MEIS1: variants seen among roughly 807,000 people sequenced by gnomAD.
MEIS1 encodes Meis homeobox 1, also known as homeobox protein Meis1.
Under a neutral mutation model 50.8 loss-of-function variants are expected in MEIS1, and 5 were observed. The ratio of observed to expected loss-of-function variants is 0.10; its 90% CI spans 0.05 to 0.21. The LOEUF (loss-of-function observed/expected upper bound fraction) is 0.21, where lower values mean the gene tolerates loss of function less well. Among genes scored for constraint, MEIS1 ranks in the 10% least tolerant of loss-of-function variants. The pLI, the probability that MEIS1 is intolerant of heterozygous loss-of-function variation, is 1.00. For missense variants in MEIS1, 318 were observed against 517.3 expected, an observed-to-expected ratio of 0.61 and a Z score of 3.74; for synonymous variants, 176 against 179.3, an observed-to-expected ratio of 0.98 and a Z score of 0.15.
intron 6 of MEIS1, among the ~76,000 whole-genome samples, chr2:66,457,976 G>A (rs1172278391): frequency 6.6e-6 from 1 of 152,156 alleles, no homozygotes. Context: ...GAGAGTAAAT[G>A]TACCTCCCCA....
chr2:66,480,797 A>G (rs1250967479), intron 7 of MEIS1, among the ~76,000 whole-genome samples: 1 of 152,118 alleles, frequency 6.6e-6, no homozygotes, highest in East Asian at 1.9e-4. Context: ...CTACTTGTGC[A>G]TTTCTTTGGA....
intron 7 of MEIS1, among the ~76,000 whole-genome samples, chr2:66,473,015 C>A (rs1041227277): frequency 2.0e-5 from 3 of 152,132 alleles, no homozygotes; most frequent in African/African-American, 7.2e-5. Context: ...ATAAAACCCA[C>A]AGGACTACAA....
intron 9 of MEIS1, among the ~76,000 whole-genome samples, chr2:66,564,901 G>A (rs1675308878): frequency 6.6e-6 from 1 of 151,202 alleles, no homozygotes; most frequent in Non-Finnish European, 1.5e-5. Context: ...TTTTGCCACT[G>A]AAAGTAATGG....
At chr2:66,540,006 G>A (rs1674613243) in intron 8 of MEIS1, among the ~76,000 whole-genome samples, 1 of 152,162 alleles carries the variant, frequency 6.6e-6, no homozygotes, top group African/African-American at 2.4e-5. Context: ...ACAAATGGCA[G>A]TGGGAGTGTA....
At chr2:66,486,894 T>G (rs1032878056) in intron 7 of MEIS1, among the ~76,000 whole-genome samples, 2 of 152,318 alleles carry the variant, frequency 1.3e-5, no homozygotes, top group East Asian at 3.9e-4. Context: ...GATTTGGGTC[T>G]CTGTCTATTA....
At chr2:66,442,232 T>G (rs1672004836) in intron 5 of MEIS1, among the ~76,000 whole-genome samples, 1 of 149,586 alleles carries the variant, frequency 6.7e-6, no homozygotes, top group South Asian at 2.1e-4. Context: ...CCTCTGCACT[T>G]ACACTTAAAT....
chr2:66,493,702 C>G (rs11897068), intron 7 of MEIS1, among the ~76,000 whole-genome samples: 6 of 152,056 alleles, frequency 3.9e-5, no homozygotes, highest in Admixed American at 3.9e-4. Context: ...TCCTAACTGT[C>G]TGACTCCACC....
At chr2:66,524,607 T>G (rs1363393655) in intron 8 of MEIS1, among the ~76,000 whole-genome samples, 3 of 151,986 alleles carry the variant, frequency 2.0e-5, no homozygotes, top group Non-Finnish European at 4.4e-5. Context: ...AAAGGTGATA[T>G]TGTGATAAGT....
At chr2:66,476,726 G>A (rs1211951613) in intron 7 of MEIS1, among the ~76,000 whole-genome samples, 2 of 152,138 alleles carry the variant, frequency 1.3e-5, no homozygotes, top group African/African-American at 2.4e-5. Flanking sequence ...CACGGGGCCT[G>A]AAAGGAGTGC....
In MEIS1 at chr2:66,459,170, G is replaced by A. The variant is rs1672463664; in HGVS notation, c.631-4939G>A. 2.0e-5 allele frequency among the ~76,000 whole-genome samples: 3 copies of A among 152,256 alleles called. No homozygotes were observed. The South Asian group carries it at 6.2e-4, about 32-fold the overall frequency. The stretch of plus-strand genomic sequence containing the variant: ...CTAGGTAAGGTGGTATCTGGGCTGT[G>A]CCTTAAATAGCAAGAAGGAGATAAT... On this transcript the variant is annotated intron_variant, in intron 6 of 12. Coordinates refer to ENST00000272369, the MANE Select transcript of MEIS1 (RefSeq NM_002398.3).
chr2:66,518,794 A>G (rs984544970), intron 8 of MEIS1, among the ~76,000 whole-genome samples: 18 of 152,176 alleles, frequency 1.2e-4, no homozygotes, highest in Admixed American at 2.0e-4. Flanking sequence ...CATGTTTAAG[A>G]TTCCTAATGA....
chr2:66,486,264 A>G (rs762194708), intron 7 of MEIS1, among the ~76,000 whole-genome samples: 1 of 152,122 alleles, frequency 6.6e-6, no homozygotes, highest in Non-Finnish European at 1.5e-5. Context: ...CATCTGGAGT[A>G]AATTTTTGTA....
In MEIS1 at chr2:66,439,905, C is replaced by A; in HGVS notation, c.302C>A (p.Pro101His). 6.2e-7 allele frequency: 1 copy of A among 1,613,832 alleles called. No homozygotes were observed. The highest frequency in any genetic ancestry group is 8.5e-7 in the Non-Finnish European group (1 of 1,179,838). Residue 101 changes from proline to histidine, a missense_variant, in exon 3 of 13, where the codon CCC becomes CAC. By Grantham distance (77) the Pro-to-His change is moderately conservative (BLOSUM62 -2). Around this residue, in one of 6 missense-constraint regions of MEIS1, gnomAD observed 75 missense variants for 153.7 expected, o/e 0.49. Transcript: ENST00000272369. The part of the protein sequence containing the change: ...FEKCELATCT[P>H]REPGVAGGDV... The stretch of plus-strand genomic sequence containing the variant: ...AAATGTGAATTAGCTACTTGTACCC[C>A]CCGCGAGCCGGGGGTGGCGGGCGGG...
At position 66,467,374 on chromosome 2, in the gene MEIS1, G is replaced by T. The variant is rs368911277; in HGVS notation, c.742+3154G>T. 5.9e-5 allele frequency among the ~76,000 whole-genome samples: 9 copies of T among 152,086 alleles called. No homozygotes were observed. The South Asian group carries it at 8.3e-4, about 14-fold the overall frequency. Reference sequence around the variant, plus strand: ...CAGTTTAGGAGGCCGAGGTAGGGGGGGGTCACAAGGTCAGGAGTTCAAGAC... The same window carrying T: ...CAGTTTAGGAGGCCGAGGTAGGGGGTGGTCACAAGGTCAGGAGTTCAAGAC... On this transcript the variant is annotated intron_variant, in intron 7 of 12. Transcript: ENST00000272369.
chr2:66,490,585 G>A (rs1437636080), intron 7 of MEIS1, among the ~76,000 whole-genome samples: 2 of 152,132 alleles, frequency 1.3e-5, no homozygotes, highest in Non-Finnish European at 2.9e-5. Flanking sequence ...GGGTGATAGG[G>A]AGACCTTTCT....
At chr2:66,548,122 C>T in intron 9 of MEIS1, 103 bp downstream of exon 9, 1 of 1,067,546 alleles carries the variant, frequency 9.4e-7, no homozygotes, top group South Asian at 1.4e-5. Flanking sequence ...CCACTGCTTT[C>T]CCTGGTGGCT....
intron 8 of MEIS1, among the ~76,000 whole-genome samples, chr2:66,534,722 T>C (rs1234723305): frequency 6.6e-6 from 1 of 152,070 alleles, no homozygotes; most frequent in Non-Finnish European, 1.5e-5. Context: ...CTTCTTTGTG[T>C]AATTAGCAAC....
chr2:66,532,174 G>T (rs1674408478), intron 8 of MEIS1, among the ~76,000 whole-genome samples: 1 of 152,054 alleles, frequency 6.6e-6, no homozygotes. Flanking sequence ...AATCCAACAA[G>T]AATTAAACTG....
At chr2:66,547,816 T>G in intron 8 of MEIS1, 127 bp from the exon 9 acceptor site, 1 of 785,502 alleles carries the variant, frequency 1.3e-6, no homozygotes, top group South Asian at 1.6e-5. Context: ...GATGTAGTAT[T>G]CCATTAATAA....
Sources: allele counts gnomAD v4.1 joint callset (sites outside exome capture counted in the v4.1 genomes callset), GRCh38; gene constraint gnomAD v4.1.1; regional missense constraint gnomAD v4.1.1; transcripts MANE v1.5; gene names NCBI Gene and HGNC (gene_info 2026-07-23, HGNC 2026-07-21).